The following WHRN variants were observed in gnomAD, a reference collection of about 807,000 sequenced individuals.
The protein encoded by WHRN is CASK-interacting protein CIP98.
Under a neutral mutation model 68.3 loss-of-function variants are expected in WHRN, and 41 were observed. The ratio of observed to expected loss-of-function variants is 0.60; its 90% CI spans 0.47 to 0.78. WHRN has a LOEUF of 0.78. Ranked by LOEUF, WHRN falls within the 30% of genes least tolerant of loss-of-function variation. The probability of loss-of-function intolerance (pLI) is 0.00; values close to 1 mark genes in which losing one functional copy is unlikely to be tolerated. For missense variants in WHRN, 1,243 were observed against 1,244.7 expected (o/e 1.00, Z 0.02); for synonymous variants, 560 against 561.3 (o/e 1.00, Z 0.03).
At chr9:114,425,474 G>A in intron 4 of WHRN, 1 of 404,478 alleles carries the variant, frequency 2.5e-6, no homozygotes, top group South Asian at 4.8e-5. Flanking sequence ...TTTTTAAGAA[G>A]CATCCAGAAA....
At chr9:114,483,345 G>A (rs959286345) in intron 1 of WHRN, among the ~76,000 whole-genome samples, 1 of 152,168 alleles carries the variant, frequency 6.6e-6, no homozygotes. Context: ...TGTGGGTCAT[G>A]CAGGGAAGGG....
At chr9:114,427,793 G>T (rs1209506274) in intron 3 of WHRN, among the ~76,000 whole-genome samples, 1 of 152,150 alleles carries the variant, frequency 6.6e-6, no homozygotes, top group African/African-American at 2.4e-5. Context: ...CTCAGGGGAG[G>T]CTTGCTGCCT....
At chr9:114,460,606 C>A (rs372601935) in intron 3 of WHRN, among the ~76,000 whole-genome samples, 1 of 152,210 alleles carries the variant, frequency 6.6e-6, no homozygotes, top group African/African-American at 2.4e-5. Context: ...TTAGCCCCCA[C>A]TGGGGGAGTG....
intron 3 of WHRN, among the ~76,000 whole-genome samples, chr9:114,438,597 T>C (rs867237810): frequency 2.2e-4 from 34 of 151,714 alleles, no homozygotes; most frequent in East Asian, 3.9e-4. Flanking sequence ...GGACTACAGG[T>C]GCCCGCCACC....
intron 1 of WHRN, among the ~76,000 whole-genome samples, chr9:114,485,623 C>T (rs867211379): frequency 5.3e-5 from 8 of 152,120 alleles, no homozygotes; most frequent in East Asian, 1.9e-4. Flanking sequence ...CCCCAGGAGG[C>T]GGAGGTTACC....
chr9:114,482,806 A>T (rs10982239), intron 1 of WHRN, among the ~76,000 whole-genome samples: 1 of 152,064 alleles, frequency 6.6e-6, no homozygotes, highest in African/African-American at 2.4e-5. Context: ...CAACCTTGCG[A>T]ACGGAGAGGT....
chr9:114,442,978 A>G (rs1838508792), intron 3 of WHRN, among the ~76,000 whole-genome samples: 1 of 152,258 alleles, frequency 6.6e-6, no homozygotes, highest in Non-Finnish European at 1.5e-5. Context: ...TTCTAGGTCC[A>G]GTCCTTTGTG....
At chr9:114,418,956 C>CTG (rs1051876595) in intron 7 of WHRN, among the ~76,000 whole-genome samples, 3 of 152,154 alleles carry the variant, frequency 2.0e-5, no homozygotes, top group African/African-American at 7.2e-5. Flanking sequence ...ACCACTGTAT[C>CTG]CCCAGAACCT....
intron 7 of WHRN, among the ~76,000 whole-genome samples, chr9:114,412,094 G>C (rs904434109): frequency 1.3e-5 from 2 of 152,198 alleles, no homozygotes; most frequent in Non-Finnish European, 2.9e-5. Flanking sequence ...TGTCAGGGAG[G>C]CCTGAAGTGG....
At chr9:114,428,548 T>C (rs1837097899) in intron 3 of WHRN, among the ~76,000 whole-genome samples, 1 of 152,190 alleles carries the variant, frequency 6.6e-6, no homozygotes. Context: ...ACATAGTTTG[T>C]GGTCACAGTG....
chr9:114,406,578 C>T lies in WHRN; in HGVS notation c.2013G>A (p.Leu671=), dbSNP rs769121325. ...SKRPLDAHLA[L]VNQHPIGPFP... ...AGGGGCCGATGGGGTGTTGGTTGAC[C>T]AGGGCCAGATGGGCGTCCAGCGGCC... The change falls in exon 9 of 12, where the codon CTG becomes CTA. Residue 671 remains leucine, a synonymous_variant. Coordinates refer to ENST00000362057, the MANE Select transcript of WHRN (RefSeq NM_015404.4). 6.8e-6 allele frequency: 11 copies of T among 1,610,998 alleles called. No individual in the cohort carries two copies. Among genetic ancestry groups the T allele is most frequent in the African/African-American group, 1.3e-5 (1 of 74,838 alleles).
At chr9:114,497,616 T>C (rs1843574841) in intron 1 of WHRN, among the ~76,000 whole-genome samples, 1 of 151,878 alleles carries the variant, frequency 6.6e-6, no homozygotes. Context: ...AATGCATAAA[T>C]AATTCTATTT....
chr9:114,487,188 A>T (rs868280399), intron 1 of WHRN, among the ~76,000 whole-genome samples: 128 of 136,520 alleles, frequency 9.4e-4, no homozygotes, highest in Middle Eastern at 3.6e-3. Context: ...CCAAAAAAAA[A>T]TTTTTTTTTT....
intron 8 of WHRN, 36 bp downstream of exon 8, chr9:114,407,911 G>C: frequency 6.4e-7 from 1 of 1,556,196 alleles, no homozygotes; most frequent in Non-Finnish European, 8.8e-7. Flanking sequence ...GAGCACACCA[G>C]GGAGAGCAGA....
intron 1 of WHRN, among the ~76,000 whole-genome samples, chr9:114,489,303 T>C (rs1564222206): frequency 6.6e-6 from 1 of 152,196 alleles, no homozygotes; most frequent in South Asian, 2.1e-4. Flanking sequence ...CTTCTTGGAA[T>C]TGAACACCAA....
chr9:114,449,193 C>T (rs2132683177), intron 3 of WHRN, among the ~76,000 whole-genome samples: 1 of 152,344 alleles, frequency 6.6e-6, no homozygotes, highest in African/African-American at 2.4e-5. Flanking sequence ...TTTAATTTGG[C>T]ATGACCACAT....
chr9:114,489,465 C>T (rs916112324), intron 1 of WHRN, among the ~76,000 whole-genome samples: 1 of 32,546 alleles, frequency 3.1e-5, no homozygotes, highest in Non-Finnish European at 6.0e-5. Flanking sequence ...CACACACATA[C>T]ACACACACAC....
At chr9:114,428,895 C>T (rs923177684) in intron 3 of WHRN, among the ~76,000 whole-genome samples, 1 of 151,826 alleles carries the variant, frequency 6.6e-6, no homozygotes, top group Non-Finnish European at 1.5e-5. Context: ...TGTGCATTTA[C>T]ATCTAAACTG....
At chr9:114,418,910 T>C (rs7861409) in intron 7 of WHRN, among the ~76,000 whole-genome samples, 43,764 of 152,214 alleles carry the variant, frequency 0.29, 6,364 homozygotes, top group East Asian at 0.37. Context: ...CTGCTGTCTG[T>C]TCAACTCCAT....
Sources: gnomAD v4.1 joint callset for allele counts (sites outside exome capture counted in the v4.1 genomes callset) on GRCh38, gnomAD v4.1.1 for gene constraint, MANE v1.5 for transcripts, NCBI Gene and HGNC (gene_info 2026-07-23, HGNC 2026-07-21) for gene names.